ZDHHC14: variants seen among roughly 807,000 people sequenced by gnomAD.
ZDHHC14 encodes the protein palmitoyltransferase ZDHHC14.
A neutral mutation model predicts 47.7 loss-of-function variants in ZDHHC14; 16 were observed. The observed-to-expected ratio is 0.34, with a 90% CI of 0.23 to 0.51. The LOEUF (loss-of-function observed/expected upper bound fraction) is 0.51. ZDHHC14 is among the 20% of genes least tolerant of loss of function. The pLI is 0.97. For missense variants in ZDHHC14, 515 were observed against 662.5 expected, an observed-to-expected ratio of 0.78 and a Z score of 2.44; for synonymous variants, 293 against 278.9, an observed-to-expected ratio of 1.05 and a Z score of -0.50.
At chr6:157,465,128 T>TA (rs1176155412) in intron 1 of ZDHHC14, among the ~76,000 whole-genome samples, 1 of 134,280 alleles carries the variant, frequency 7.4e-6, no homozygotes, top group Non-Finnish European at 1.6e-5. Flanking sequence ...TTTTTTTTTT[T>TA]ACATTTTAAT....
At chr6:157,661,068 C>G (rs1395722593) in intron 8 of ZDHHC14, among the ~76,000 whole-genome samples, 2 of 151,890 alleles carry the variant, frequency 1.3e-5, no homozygotes, top group Non-Finnish European at 2.9e-5. Context: ...AGGGATGTTT[C>G]AAGCCAACAA....
rs149131999 is a variant in ZDHHC14, at chr6:157,617,328, C to G, written c.566-11021C>G. Among the ~76,000 whole-genome samples the G allele has an allele frequency of 2.1e-3, 322 of 152,298 alleles. 1 individual carries two copies. Among genetic ancestry groups the G allele is most frequent in the Admixed American group, 3.8e-3 (58 of 15,306 alleles). On this transcript the variant is annotated intron_variant, in intron 3 of 8. Transcript: ENST00000359775. Reference sequence around the variant, plus strand: ...AACAATAATAGTAACGAGGTTGCGTCTTCAGTTTCAACTCAGAAAAATGAA... The same window carrying G: ...AACAATAATAGTAACGAGGTTGCGTGTTCAGTTTCAACTCAGAAAAATGAA...
intron 5 of ZDHHC14, among the ~76,000 whole-genome samples, chr6:157,638,955 G>A: frequency 6.6e-6 from 1 of 152,356 alleles, no homozygotes; most frequent in South Asian, 2.1e-4. Context: ...GGTGCCAGGG[G>A]CTATCAGGAA....
chr6:157,520,196 C>A (rs1033582798), intron 1 of ZDHHC14, among the ~76,000 whole-genome samples: 3 of 152,190 alleles, frequency 2.0e-5, no homozygotes, highest in African/African-American at 7.2e-5. Context: ...GTCTCTTCCC[C>A]AACCTGACTG....
At chr6:157,417,941 G>T (rs889181693) in intron 1 of ZDHHC14, among the ~76,000 whole-genome samples, 1 of 148,282 alleles carries the variant, frequency 6.7e-6, no homozygotes, top group African/African-American at 2.5e-5. Context: ...GCGACAGAGC[G>T]AGAGTCCATC....
At chr6:157,643,741 C>T (rs957130572) in intron 5 of ZDHHC14, among the ~76,000 whole-genome samples, 3 of 147,192 alleles carry the variant, frequency 2.0e-5, no homozygotes, top group Non-Finnish European at 3.0e-5. Flanking sequence ...TGATGCCTCC[C>T]GATGAGGGTA....
At chr6:157,445,105 TACACACACACACACACACAC>T (rs533031947) in intron 1 of ZDHHC14, among the ~76,000 whole-genome samples, 1 of 131,668 alleles carries the variant, frequency 7.6e-6, no homozygotes, top group Non-Finnish European at 1.7e-5. Context: ...TGCCAGATAT[TACACACACACACACACACAC>T]ACACACACAC....
chr6:157,483,398 T>C (rs933724130), intron 1 of ZDHHC14, among the ~76,000 whole-genome samples: 1 of 152,224 alleles, frequency 6.6e-6, no homozygotes, highest in Non-Finnish European at 1.5e-5. Flanking sequence ...CCTTGGGCAG[T>C]GCATTATTTG....
chr6:157,523,908 A>G (rs1781058592), intron 1 of ZDHHC14, among the ~76,000 whole-genome samples: 1 of 152,156 alleles, frequency 6.6e-6, no homozygotes, highest in South Asian at 2.1e-4. Context: ...CTCCAACAAC[A>G]AAGACTCACT....
At chr6:157,511,218 G>C (rs991315658) in intron 1 of ZDHHC14, among the ~76,000 whole-genome samples, 1 of 152,230 alleles carries the variant, frequency 6.6e-6, no homozygotes, top group Admixed American at 6.5e-5. Flanking sequence ...TATTGCGAAG[G>C]TGAGACAGAA....
At chr6:157,471,834 TC>T (rs1417121414) in intron 1 of ZDHHC14, among the ~76,000 whole-genome samples, 2 of 152,298 alleles carry the variant, frequency 1.3e-5, no homozygotes, top group East Asian at 3.9e-4. Flanking sequence ...AAGTGGGGGT[TC>T]CAATGCTCCC....
chr6:157,441,483 T>G (rs925491017), intron 1 of ZDHHC14, among the ~76,000 whole-genome samples: 2 of 152,218 alleles, frequency 1.3e-5, no homozygotes, highest in African/African-American at 4.8e-5. Flanking sequence ...AATTTCTTTC[T>G]GACAAGCACA....
At chr6:157,648,024 A>C (rs1431101947) in intron 7 of ZDHHC14, among the ~76,000 whole-genome samples, 1 of 152,214 alleles carries the variant, frequency 6.6e-6, no homozygotes, top group Non-Finnish European at 1.5e-5. Context: ...GCCCAAGATC[A>C]CACAGCAAGT....
chr6:157,499,704 G>A (rs1477249437), intron 1 of ZDHHC14, among the ~76,000 whole-genome samples: 1 of 152,198 alleles, frequency 6.6e-6, no homozygotes, highest in Non-Finnish European at 1.5e-5. Context: ...CACAGGATGA[G>A]CAAGTTTTTG....
At chr6:157,419,075 G>T (rs1778044909) in intron 1 of ZDHHC14, among the ~76,000 whole-genome samples, 1 of 152,178 alleles carries the variant, frequency 6.6e-6, no homozygotes, top group Non-Finnish European at 1.5e-5. Context: ...AATAGGACTG[G>T]GGAATTCAAC....
chr6:157,647,577 CTGAT>C (rs1777624889), intron 7 of ZDHHC14, among the ~76,000 whole-genome samples: 1 of 152,128 alleles, frequency 6.6e-6, no homozygotes, highest in African/African-American at 2.4e-5. Flanking sequence ...GAATCTGTGT[CTGAT>C]TGGGGGGAAA....
Position 157,463,887 on chromosome 6 carries a change from T to C in ZDHHC14, c.246-78698T>C, listed in dbSNP as rs1779150669. ...AAAAAATACAAAAATTAGCCAGGCA[T>C]TGTGGCTCATGCCTGCAGTCCCAGC... On this transcript the variant is annotated intron_variant, in intron 1 of 8. Transcript: ENST00000359775. The surrounding 1 kb of genome is among the most constrained non-coding windows in gnomAD (Gnocchi z 4.4). 6.6e-6 allele frequency among the ~76,000 whole-genome samples: 1 copy of C among 152,102 alleles called. No individual in the cohort carries two copies. Among genetic ancestry groups the C allele is most frequent in the Admixed American group, 6.5e-5 (1 of 15,274 alleles).
In ZDHHC14 at chr6:157,422,921, G is replaced by A. The variant is rs567187111; in HGVS notation, c.245+40655G>A. Reference sequence around the variant, plus strand: ...ACAGATCTGTGTAGTTATAGGAAAAGCAGCTGAAATGTGTGTGCTTTACTA... The same window carrying A: ...ACAGATCTGTGTAGTTATAGGAAAAACAGCTGAAATGTGTGTGCTTTACTA... On this transcript the variant is annotated intron_variant, in intron 1 of 8. Coordinates refer to ENST00000359775, the MANE Select transcript of ZDHHC14 (RefSeq NM_024630.3). Among the ~76,000 whole-genome samples the A allele has an allele frequency of 2.6e-5, 4 of 152,310 alleles. No individual in the cohort carries two copies. In the South Asian group the frequency reaches 8.3e-4, roughly 32 times the overall value.
At chr6:157,536,025 G>A (rs1470113730) in intron 1 of ZDHHC14, among the ~76,000 whole-genome samples, 1 of 151,306 alleles carries the variant, frequency 6.6e-6, no homozygotes, top group Non-Finnish European at 1.5e-5. Context: ...TTCTCACAAT[G>A]CTACTCTGAT....
Sources: gnomAD v4.1 joint callset for allele counts (sites outside exome capture counted in the v4.1 genomes callset) on GRCh38, gnomAD v4.1.1 for gene constraint, Gnocchi (gnomAD v3.1) non-coding constraint, MANE v1.5 for transcripts, NCBI Gene and HGNC (gene_info 2026-07-23, HGNC 2026-07-21) for gene names.